TENM3: variants seen among roughly 807,000 people sequenced by gnomAD.
TENM3 encodes the protein teneurin-3.
Under a neutral mutation model 255.1 loss-of-function variants are expected in TENM3, and 63 were observed. The observed-to-expected ratio is 0.25, with a 90% CI of 0.20 to 0.30. The LOEUF is 0.30. TENM3 is among the 10% of genes least tolerant of loss of function. The probability of loss-of-function intolerance (pLI) is 1.00; values close to 1 mark genes in which losing one functional copy is unlikely to be tolerated. For missense variants in TENM3, 2,929 were observed against 3,461.1 expected (o/e 0.85, Z 3.86); for synonymous variants, 1,306 against 1,322.3 (o/e 0.99, Z 0.27).
chr4:181,964,019 C>A, the TENM3 span, among the ~76,000 whole-genome samples: 1 of 151,342 alleles, frequency 6.6e-6, no homozygotes, highest in African/African-American at 2.4e-5. Flanking sequence ...GCTCACCTCT[C>A]CTAAAATTTT....
the TENM3 span, among the ~76,000 whole-genome samples, chr4:181,935,371 A>C: frequency 3.3e-5 from 5 of 152,260 alleles, no homozygotes; most frequent in African/African-American, 7.2e-5. Flanking sequence ...CTCTGTCCCT[A>C]GAGCTATAAG....
At chr4:181,937,487 G>A in the TENM3 span, among the ~76,000 whole-genome samples, 11 of 152,294 alleles carry the variant, frequency 7.2e-5, no homozygotes, top group East Asian at 2.1e-3. Context: ...ATTGAAGTGG[G>A]AGAATTCTAC....
chr4:181,852,506 G>T, the TENM3 span, among the ~76,000 whole-genome samples: 1 of 152,016 alleles, frequency 6.6e-6, no homozygotes, highest in Non-Finnish European at 1.5e-5. Flanking sequence ...ACAAAATCTG[G>T]CCTTCTTGTT....
At chr4:181,617,099 C>G in the TENM3 span, among the ~76,000 whole-genome samples, 2 of 152,068 alleles carry the variant, frequency 1.3e-5, no homozygotes, top group East Asian at 1.9e-4. Context: ...ACTAATGCAC[C>G]AATCTTCACA....
At chr4:182,095,463 G>A in the TENM3 span, among the ~76,000 whole-genome samples, 1 of 152,164 alleles carries the variant, frequency 6.6e-6, no homozygotes, top group Non-Finnish European at 1.5e-5. Flanking sequence ...AATATCACAT[G>A]TTCTCACTCA....
chr4:181,475,910 G>A, the TENM3 span, among the ~76,000 whole-genome samples: 8 of 152,212 alleles, frequency 5.3e-5, no homozygotes, highest in Non-Finnish European at 1.0e-4. Context: ...CTGGCAAGGG[G>A]CACCGGGTTC....
At chr4:182,236,607 T>G (rs559681896) in intron 1 of TENM3, among the ~76,000 whole-genome samples, 6 of 152,174 alleles carry the variant, frequency 3.9e-5, no homozygotes, top group Non-Finnish European at 8.8e-5. Context: ...ATACGGAAAA[T>G]GTATGTTAAA....
chr4:182,776,616 G>T (rs879930422), intron 24 of TENM3, among the ~76,000 whole-genome samples: 2 of 152,138 alleles, frequency 1.3e-5, no homozygotes, highest in Non-Finnish European at 2.9e-5. Flanking sequence ...TTGGAGACAA[G>T]TTATAAGTAA....
the TENM3 span, among the ~76,000 whole-genome samples, chr4:181,527,179 G>A: frequency 6.6e-6 from 1 of 152,092 alleles, no homozygotes; most frequent in African/African-American, 2.4e-5. Context: ...TTGTATGTCT[G>A]GAAAACATTA....
chr4:181,649,021 A>T, the TENM3 span, among the ~76,000 whole-genome samples: 1 of 152,200 alleles, frequency 6.6e-6, no homozygotes, highest in Non-Finnish European at 1.5e-5. Context: ...ACTTCAAAAA[A>T]TATTGTTATT....
intron 3 of TENM3, among the ~76,000 whole-genome samples, chr4:182,434,979 C>T (rs1175966602): frequency 1.3e-5 from 2 of 152,256 alleles, no homozygotes; most frequent in Non-Finnish European, 2.9e-5. Context: ...AGCATTTCCA[C>T]GGGAATTGCC....
chr4:181,924,999 A>G, the TENM3 span, among the ~76,000 whole-genome samples: 1 of 152,232 alleles, frequency 6.6e-6, no homozygotes, highest in African/African-American at 2.4e-5. Context: ...TTGGTGTCAA[A>G]TACAATAGTA....
chr4:181,758,693 T>G, the TENM3 span, among the ~76,000 whole-genome samples: 1 of 152,206 alleles, frequency 6.6e-6, no homozygotes, highest in African/African-American at 2.4e-5. Flanking sequence ...CTTGTACATA[T>G]TTGACAGCCA....
the TENM3 span, among the ~76,000 whole-genome samples, chr4:182,040,386 C>T: frequency 6.6e-6 from 1 of 152,146 alleles, no homozygotes; most frequent in Non-Finnish European, 1.5e-5. Flanking sequence ...TACTCCTTTA[C>T]TCTTTCCCAT....
intron 6 of TENM3, among the ~76,000 whole-genome samples, chr4:182,657,175 C>CT (rs1447524095): frequency 1.3e-5 from 2 of 152,172 alleles, no homozygotes; most frequent in Non-Finnish European, 1.5e-5. Flanking sequence ...TCACTGACCT[C>CT]TTTGAGCTTC....
chr4:181,585,836 T>C, the TENM3 span, among the ~76,000 whole-genome samples: 3 of 152,176 alleles, frequency 2.0e-5, no homozygotes, highest in Non-Finnish European at 4.4e-5. Flanking sequence ...TTTCTTCCTA[T>C]TAATTTAAAC....
At chr4:182,573,028 T>C (rs969893901) in intron 3 of TENM3, among the ~76,000 whole-genome samples, 1 of 152,242 alleles carries the variant, frequency 6.6e-6, no homozygotes, top group Non-Finnish European at 1.5e-5. Context: ...TTATTGATCA[T>C]CTACCATCAA....
At chr4:182,387,475 T>TG (rs758023964) in intron 3 of TENM3, among the ~76,000 whole-genome samples, 102 of 152,164 alleles carry the variant, frequency 6.7e-4, no homozygotes, top group Admixed American at 1.8e-3. Flanking sequence ...AGGATGTGGG[T>TG]GGGGCCACAT....
chr4:182,579,672 T>G (rs17324108), intron 3 of TENM3, among the ~76,000 whole-genome samples: 6,114 of 150,710 alleles, frequency 0.041, 165 homozygotes, highest in Non-Finnish European at 0.065. Flanking sequence ...CTGTAATGGA[T>G]TTTTGAAATT....
Sources: gnomAD v4.1 joint callset for allele counts (sites outside exome capture counted in the v4.1 genomes callset) on GRCh38, gnomAD v4.1.1 for gene constraint, MANE v1.5 for transcripts, NCBI Gene and HGNC (gene_info 2026-07-23, HGNC 2026-07-21) for gene names.